The following ERI3 variants were observed in gnomAD, a reference collection of about 807,000 sequenced individuals.
ERI3 encodes ERI1 exoribonuclease 3.
ERI3 carries 18 observed loss-of-function variants against 44.4 expected under a neutral mutation model. That is an observed-to-expected ratio of 0.41 (90% CI 0.28 to 0.60). The LOEUF is 0.60. ERI3 is among the 20% of genes least tolerant of loss of function. ERI3 has a pLI of 0.36. For synonymous variants in ERI3, 183 were observed against 164.8 expected, an observed-to-expected ratio of 1.11 and a Z score of -0.84; for missense variants, 294 against 435.5, an observed-to-expected ratio of 0.68 and a Z score of 2.89.
intron 7 of ERI3, among the ~76,000 whole-genome samples, chr1:44,250,213 T>C (rs1335520540): frequency 6.6e-6 from 1 of 152,244 alleles, no homozygotes; most frequent in Non-Finnish European, 1.5e-5. Context: ...CATTAGCAGG[T>C]GCTGCCGCTT....
At chr1:44,295,880 G>A (rs1645599814) in intron 6 of ERI3, among the ~76,000 whole-genome samples, 1 of 152,146 alleles carries the variant, frequency 6.6e-6, no homozygotes, top group Non-Finnish European at 1.5e-5. Context: ...AGCATTCAAG[G>A]GTCTGTCCCC....
intron 7 of ERI3, among the ~76,000 whole-genome samples, chr1:44,250,493 C>A (rs1408915631): frequency 6.6e-6 from 1 of 152,218 alleles, no homozygotes; most frequent in African/African-American, 2.4e-5. Context: ...GAGGGCCAGG[C>A]TGGACCAGGG....
intron 5 of ERI3, among the ~76,000 whole-genome samples, chr1:44,311,881 G>C (rs1190380017): frequency 6.6e-6 from 1 of 151,894 alleles, no homozygotes; most frequent in East Asian, 1.9e-4. Flanking sequence ...GAGCTCCCTT[G>C]GTCATAGGAA....
At chr1:44,312,072 T>G (rs1645984096) in intron 5 of ERI3, among the ~76,000 whole-genome samples, 1 of 152,032 alleles carries the variant, frequency 6.6e-6, no homozygotes, top group African/African-American at 2.4e-5. Flanking sequence ...GAGCCTAAAC[T>G]TGCCTCTCTG....
chr1:44,226,798 C>A (rs1572052612), intron 8 of ERI3, among the ~76,000 whole-genome samples: 1 of 151,780 alleles, frequency 6.6e-6, no homozygotes, highest in Non-Finnish European at 1.5e-5. Flanking sequence ...CACACACACA[C>A]ACACACACAC....
chr1:44,263,736 T>C (rs1263808694), intron 7 of ERI3, among the ~76,000 whole-genome samples: 1 of 152,190 alleles, frequency 6.6e-6, no homozygotes, highest in Non-Finnish European at 1.5e-5. Context: ...TATTCTATGC[T>C]GCTATTGCCA....
At chr1:44,242,152 C>T in intron 8 of ERI3, 1 of 985,378 alleles carries the variant, frequency 1.0e-6, no homozygotes, top group Non-Finnish European at 1.2e-6. Context: ...CTTAGGGCCA[C>T]ACCAGAAAGA....
intron 3 of ERI3, among the ~76,000 whole-genome samples, chr1:44,337,873 C>T (rs939518525): frequency 2.0e-5 from 3 of 152,146 alleles, no homozygotes; most frequent in African/African-American, 7.2e-5. Flanking sequence ...CTCCTCCTTA[C>T]GATTGAAAGC....
At chr1:44,325,639 G>A (rs1193844371) in intron 3 of ERI3, among the ~76,000 whole-genome samples, 1 of 152,096 alleles carries the variant, frequency 6.6e-6, no homozygotes, top group Non-Finnish European at 1.5e-5. Flanking sequence ...TCATAAAACT[G>A]GGACAGAGGG....
At chr1:44,260,546 T>C (rs994115811) in intron 7 of ERI3, among the ~76,000 whole-genome samples, 4 of 152,162 alleles carry the variant, frequency 2.6e-5, no homozygotes, top group African/African-American at 9.7e-5. Flanking sequence ...AGAGGCCCAT[T>C]GTATAGTCTC....
At chr1:44,314,823 A>G (rs997818189) in intron 4 of ERI3, among the ~76,000 whole-genome samples, 8 of 152,222 alleles carry the variant, frequency 5.3e-5, no homozygotes, top group African/African-American at 1.9e-4. Flanking sequence ...AAAATGTAAA[A>G]ACTCTGCCCT....
rs1557864432 is a variant in ERI3 at position 44,339,231 on chromosome 1, C to A, written c.303G>T (p.Val101=). The A allele has an allele frequency of 6.2e-7, 1 of 1,613,718 alleles. No individual in the cohort carries two copies. The highest frequency in any genetic ancestry group is 1.3e-5 in the African/African-American group (1 of 74,876). The part of the protein sequence containing the change: ...SSYLLSRARK[V]LGSHLFSPCG... The stretch of plus-strand genomic sequence containing the variant: ...AGGGAGAAAATAAGTGGGAGCCCAG[C>A]ACTTTTCTTGCTCTTGAAAGTAAAT... The change falls in exon 3 of 9, where the codon GTG becomes GTT. Residue 101 remains valine (V), a synonymous_variant. Coordinates refer to ENST00000372257, the MANE Select transcript of ERI3 (RefSeq NM_024066.3).
intron 8 of ERI3, among the ~76,000 whole-genome samples, chr1:44,244,894 G>T (rs1236208326): frequency 6.6e-6 from 1 of 152,112 alleles, no homozygotes; most frequent in African/African-American, 2.4e-5. Flanking sequence ...CACTGCAGGA[G>T]GACTGAGCAG....
intron 8 of ERI3, chr1:44,243,330 C>G (rs752598752): frequency 6.6e-6 from 1 of 152,344 alleles, no homozygotes; most frequent in Non-Finnish European, 1.5e-5. Flanking sequence ...GTTCCAGTTA[C>G]TCTCCTAGCC....
At chr1:44,285,546 T>C (rs1645376865) in intron 6 of ERI3, among the ~76,000 whole-genome samples, 2 of 152,200 alleles carry the variant, frequency 1.3e-5, no homozygotes, top group South Asian at 4.1e-4. Flanking sequence ...GAGGTCAGAA[T>C]TCAAATCAAG....
intron 6 of ERI3, among the ~76,000 whole-genome samples, chr1:44,287,541 C>A (rs536721967): frequency 2.6e-5 from 4 of 152,352 alleles, no homozygotes; most frequent in Admixed American, 6.5e-5. Flanking sequence ...ACATTAACTA[C>A]AACTGGTCAG....
At chr1:44,296,165 G>A (rs1308662558) in intron 6 of ERI3, among the ~76,000 whole-genome samples, 1 of 152,206 alleles carries the variant, frequency 6.6e-6, no homozygotes. Context: ...AGCAGTGCCA[G>A]GGAGGACAGC....
At chr1:44,325,500 TG>T (rs1572284646) in intron 3 of ERI3, among the ~76,000 whole-genome samples, 1 of 152,250 alleles carries the variant, frequency 6.6e-6, no homozygotes, top group East Asian at 1.9e-4. Context: ...AAGAAATAAA[TG>T]TGTAAGTTGC....
chr1:44,301,618 T>C (rs1645727934), intron 6 of ERI3, among the ~76,000 whole-genome samples: 1 of 152,172 alleles, frequency 6.6e-6, no homozygotes, highest in Non-Finnish European at 1.5e-5. Flanking sequence ...CACAAAAACA[T>C]GCAATCAGCC....
Sources: allele counts gnomAD v4.1 joint callset (sites outside exome capture counted in the v4.1 genomes callset), GRCh38; gene constraint gnomAD v4.1.1; transcripts MANE v1.5; gene names NCBI Gene and HGNC (gene_info 2026-07-23, HGNC 2026-07-21).